The following TRPC4AP variants were observed in gnomAD, a reference collection of about 807,000 sequenced individuals.
TRPC4AP encodes short transient receptor potential channel 4-associated protein.
A neutral mutation model predicts 99.0 loss-of-function variants in TRPC4AP; 45 were observed. The observed-to-expected ratio is 0.45, with a 90% CI of 0.36 to 0.58. The LOEUF (loss-of-function observed/expected upper bound fraction) is 0.58. TRPC4AP is among the 20% of genes least tolerant of loss of function. TRPC4AP has a pLI of 0.00. For synonymous variants in TRPC4AP, 408 were observed against 385.8 expected (o/e 1.06, Z -0.67); for missense variants, 879 against 985.3 (o/e 0.89, Z 1.44).
intron 2 of TRPC4AP, among the ~76,000 whole-genome samples, chr20:35,070,109 T>TGA (rs2084265993): frequency 6.6e-6 from 1 of 152,112 alleles, no homozygotes; most frequent in African/African-American, 2.4e-5. Context: ...GCCAGGGATG[T>TGA]GAGAGAGACC....
chr20:35,043,587 G>C (rs892396868), intron 7 of TRPC4AP, among the ~76,000 whole-genome samples: 5 of 152,040 alleles, frequency 3.3e-5, no homozygotes, highest in African/African-American at 1.2e-4. Flanking sequence ...CCTTAGTCAA[G>C]ACCCTCACAG....
intron 8 of TRPC4AP, among the ~76,000 whole-genome samples, chr20:35,026,222 G>T (rs1311793873): frequency 1.4e-5 from 2 of 146,942 alleles, no homozygotes; most frequent in African/African-American, 2.5e-5. Context: ...GTCTTAGGTT[G>T]TTTTTTTTTT....
Position 35,003,599 on chromosome 20 carries a change from G to A in TRPC4AP, c.2067C>T (p.Leu689=), listed in dbSNP as rs1021872634. 8 of 1,613,818 alleles carry A rather than the reference G, an allele frequency of 5.0e-6. No individual in the cohort carries two copies. In the East Asian group the frequency reaches 1.6e-4, roughly 31 times the overall value. ...QTLTQENVSC[L]NTSLVILMLA... is the part of the protein sequence containing the mutation. The stretch of plus-strand genomic sequence containing the variant: ...GCATCAGGATCACCAGGCTGGTGTT[G>A]AGGCAGCTGACGTTCTCCTGCAAGG... The change falls in exon 18 of 19, where the codon CTC becomes CTT. Residue 689 remains leucine, a synonymous_variant. Coordinates refer to ENST00000252015, the MANE Select transcript of TRPC4AP (RefSeq NM_015638.3).
intron 5 of TRPC4AP, among the ~76,000 whole-genome samples, chr20:35,050,326 G>T (rs2083664428): frequency 6.6e-6 from 1 of 152,230 alleles, no homozygotes; most frequent in Non-Finnish European, 1.5e-5. Flanking sequence ...GGACTTAAGA[G>T]TCAGACCTAA....
At chr20:35,004,832 C>A (rs947330128) in intron 16 of TRPC4AP, among the ~76,000 whole-genome samples, 3 of 152,206 alleles carry the variant, frequency 2.0e-5, no homozygotes, top group African/African-American at 4.8e-5. Flanking sequence ...TCAGCCCTCC[C>A]CAGACTGGCT....
chr20:35,080,443 G>C (rs1051429455), intron 1 of TRPC4AP, among the ~76,000 whole-genome samples: 6 of 150,550 alleles, frequency 4.0e-5, no homozygotes, highest in Non-Finnish European at 8.9e-5. Context: ...AGAGGTTGCA[G>C]TGAGCCAAGA....
chr20:35,024,488 A>C (rs2082970981), intron 8 of TRPC4AP, among the ~76,000 whole-genome samples: 1 of 152,202 alleles, frequency 6.6e-6, no homozygotes, highest in African/African-American at 2.4e-5. Flanking sequence ...AGCCCCTATC[A>C]GCATTCCCTT....
chr20:35,078,940 C>A (rs905814534), intron 1 of TRPC4AP, among the ~76,000 whole-genome samples: 1 of 152,128 alleles, frequency 6.6e-6, no homozygotes, highest in Non-Finnish European at 1.5e-5. Context: ...GTGGCAAGTG[C>A]CTGTAATCCC....
At chr20:35,070,326 C>G (rs1402315556) in intron 2 of TRPC4AP, among the ~76,000 whole-genome samples, 2 of 152,160 alleles carry the variant, frequency 1.3e-5, no homozygotes, top group African/African-American at 2.4e-5. Flanking sequence ...TTCCCCCAAC[C>G]AGAAGCATGC....
chr20:35,067,812 T>C (rs1441006951), intron 3 of TRPC4AP, among the ~76,000 whole-genome samples: 3 of 152,090 alleles, frequency 2.0e-5, no homozygotes, highest in South Asian at 2.1e-4. Context: ...GAGAAATCTA[T>C]AGAGACAAAA....
intron 16 of TRPC4AP, 139 bp from the exon 17 acceptor site, chr20:35,004,709 T>A (rs1289854234): frequency 5.8e-6 from 4 of 687,114 alleles, no homozygotes; most frequent in Non-Finnish European, 1.0e-5. Flanking sequence ...GAAAGCTGAC[T>A]GTGGCAGAAA....
intron 9 of TRPC4AP, among the ~76,000 whole-genome samples, chr20:35,016,677 T>C (rs2082762228): frequency 1.3e-5 from 2 of 152,180 alleles, no homozygotes; most frequent in African/African-American, 2.4e-5. Flanking sequence ...TGAAGGATTA[T>C]AATAAACCTA....
At chr20:35,048,749 C>A (rs935620844) in intron 6 of TRPC4AP, among the ~76,000 whole-genome samples, 8 of 152,200 alleles carry the variant, frequency 5.3e-5, no homozygotes, top group Non-Finnish European at 1.2e-4. Flanking sequence ...AGGAGCACTT[C>A]TAGACTCCTA....
chr20:35,005,924 G>T (rs1159687586), intron 15 of TRPC4AP, 121 bp from the exon 16 acceptor site: 13 of 789,070 alleles, frequency 1.6e-5, no homozygotes, highest in Non-Finnish European at 2.5e-5. Flanking sequence ...CTTCAGATAG[G>T]AAGACAGAGG....
rs1169327726 is a variant in TRPC4AP at position 35,010,196 on chromosome 20, T to C, written c.1502A>G (p.Asn501Ser). ...GCACCCCTGCACTCACCTGTCGGTG[T>C]TGAGGACAGCTTCCACCTCAGGGAT... is the stretch of plus-strand genomic sequence containing the variant. ...ANIPEVEAVL[N>S]TDRSLVCDGK... The change falls in exon 12 of 19, where the codon AAC becomes AGC. Residue 501 changes from asparagine (N) to serine (S), a missense_variant. This residue lies in a region of TRPC4AP where 603 missense variants were observed against 631.8 expected (regional missense o/e 0.95). Transcript: ENST00000252015. 7.4e-6 allele frequency: 12 copies of C among 1,613,958 alleles called. No homozygotes were observed. The highest frequency in any genetic ancestry group is 9.3e-6 in the Non-Finnish European group (11 of 1,179,998).
intron 7 of TRPC4AP, among the ~76,000 whole-genome samples, chr20:35,036,785 A>G (rs1225643224): frequency 6.6e-6 from 1 of 151,972 alleles, no homozygotes; most frequent in Non-Finnish European, 1.5e-5. Flanking sequence ...ATCTCTACCA[A>G]TAATACAAAA....
intron 9 of TRPC4AP, among the ~76,000 whole-genome samples, chr20:35,019,768 C>G (rs569103350): frequency 6.6e-6 from 1 of 152,222 alleles, no homozygotes; most frequent in East Asian, 1.9e-4. Flanking sequence ...GAAGGGACAC[C>G]AATGCTGTGG....
chr20:35,066,247 G>C (rs2084142029), intron 3 of TRPC4AP, among the ~76,000 whole-genome samples: 1 of 151,986 alleles, frequency 6.6e-6, no homozygotes, highest in Non-Finnish European at 1.5e-5. Flanking sequence ...TGGGACTGCA[G>C]GCCATGTGCT....
chr20:35,070,114 G>C (rs2084266256), intron 2 of TRPC4AP, among the ~76,000 whole-genome samples: 1 of 152,122 alleles, frequency 6.6e-6, no homozygotes, highest in Non-Finnish European at 1.5e-5. Flanking sequence ...GGATGTGAGA[G>C]AGACCATTTT....
Sources: gnomAD v4.1 joint callset for allele counts (sites outside exome capture counted in the v4.1 genomes callset) on GRCh38, gnomAD v4.1.1 for gene constraint, gnomAD v4.1.1 regional missense constraint, MANE v1.5 for transcripts, NCBI Gene and HGNC (gene_info 2026-07-23, HGNC 2026-07-21) for gene names.